The following CUL2 variants were observed in gnomAD, a reference collection of about 807,000 sequenced individuals.
CUL2 encodes cullin 2.
CUL2 carries 22 observed loss-of-function variants against 110.2 expected under a neutral mutation model. That is an observed-to-expected ratio of 0.20 (90% CI 0.14 to 0.28). CUL2 has a LOEUF of 0.28. Ranked by LOEUF, CUL2 falls within the 10% of genes least tolerant of loss-of-function variation. CUL2 has a pLI of 1.00. For synonymous variants in CUL2, 279 were observed against 293.2 expected, an observed-to-expected ratio of 0.95 and a Z score of 0.49; for missense variants, 631 against 905.5, an observed-to-expected ratio of 0.70 and a Z score of 3.89.
At chr10:35,048,041 T>G (rs965682824) in intron 6 of CUL2, among the ~76,000 whole-genome samples, 10 of 152,224 alleles carry the variant, frequency 6.6e-5, no homozygotes, top group Admixed American at 3.3e-4. Flanking sequence ...GACTTTTGCA[T>G]GTCAAGGATG....
intron 1 of CUL2, among the ~76,000 whole-genome samples, chr10:35,120,902 A>C (rs1426796041): frequency 1.3e-5 from 2 of 152,224 alleles, no homozygotes; most frequent in African/African-American, 2.4e-5. Context: ...TGTCTCAAAA[A>C]AACAACAAAA....
chr10:35,069,141 G>A (rs117311475), intron 2 of CUL2, among the ~76,000 whole-genome samples: 2,332 of 152,204 alleles, frequency 0.015, 35 homozygotes, highest in Middle Eastern at 0.034. Context: ...TGCTTGAATT[G>A]TAGGCGTGAG....
At chr10:35,018,870 T>C (rs1170533007) in intron 17 of CUL2, among the ~76,000 whole-genome samples, 1 of 152,140 alleles carries the variant, frequency 6.6e-6, no homozygotes, top group Non-Finnish European at 1.5e-5. Flanking sequence ...CCTTGACATT[T>C]CAGATAAAAC....
At chr10:35,074,872 T>C (rs1326543298) in intron 1 of CUL2, among the ~76,000 whole-genome samples, 1 of 152,198 alleles carries the variant, frequency 6.6e-6, no homozygotes, top group Admixed American at 6.5e-5. Context: ...CTCCACACTT[T>C]CCTCTATTAG....
intron 16 of CUL2, among the ~76,000 whole-genome samples, chr10:35,026,092 TC>T (rs1447983797): frequency 1.3e-5 from 2 of 152,148 alleles, no homozygotes; most frequent in African/African-American, 4.8e-5. Flanking sequence ...AGAAAATGAG[TC>T]AATTCCTTCA....
At chr10:35,047,206 T>C (rs1452067218) in intron 6 of CUL2, among the ~76,000 whole-genome samples, 1 of 152,202 alleles carries the variant, frequency 6.6e-6, no homozygotes, top group East Asian at 1.9e-4. Flanking sequence ...AAAAGAAAGA[T>C]GTGGCTCACA....
chr10:35,015,939 T>C (rs1011395818), intron 18 of CUL2, among the ~76,000 whole-genome samples: 2 of 152,232 alleles, frequency 1.3e-5, no homozygotes, highest in Non-Finnish European at 2.9e-5. Flanking sequence ...GCAATTCTTT[T>C]ACAATTATTC....
chr10:35,060,521 C>T (rs374400488), intron 4 of CUL2, among the ~76,000 whole-genome samples: 2 of 152,128 alleles, frequency 1.3e-5, no homozygotes, highest in Non-Finnish European at 2.9e-5. Flanking sequence ...AAGAACATAT[C>T]GAGGGGACAT....
intron 1 of CUL2, among the ~76,000 whole-genome samples, chr10:35,089,675 G>A (rs1319906467): frequency 6.6e-6 from 1 of 152,132 alleles, no homozygotes; most frequent in Non-Finnish European, 1.5e-5. Flanking sequence ...AGCGTGTGAG[G>A]ATCTTATTTC....
At chr10:35,050,254 G>A (rs988529302) in intron 5 of CUL2, among the ~76,000 whole-genome samples, 4 of 151,656 alleles carry the variant, frequency 2.6e-5, no homozygotes, top group Admixed American at 2.0e-4. Context: ...CTGGGAGGTG[G>A]AGGTTGCAGT....
chr10:35,094,980 C>T (rs1338583205), upstream of CUL2, among the ~76,000 whole-genome samples: 1 of 151,986 alleles, frequency 6.6e-6, no homozygotes, highest in Non-Finnish European at 1.5e-5. Context: ...GTGTTTTGGC[C>T]TTGTATGTTT....
At chr10:35,056,559 C>T (rs763137400) in intron 4 of CUL2, among the ~76,000 whole-genome samples, 2 of 152,068 alleles carry the variant, frequency 1.3e-5, no homozygotes, top group Non-Finnish European at 2.9e-5. Context: ...CTTCCACTCC[C>T]ATTCAACATC....
At chr10:35,116,482 T>C (rs1266986672) in intron 1 of CUL2, among the ~76,000 whole-genome samples, 2 of 152,230 alleles carry the variant, frequency 1.3e-5, no homozygotes, top group Non-Finnish European at 2.9e-5. Context: ...TCTATATCTA[T>C]TGTTTCTCTC....
intron 10 of CUL2, among the ~76,000 whole-genome samples, chr10:35,033,537 C>A (rs1184326041): frequency 6.6e-6 from 1 of 151,754 alleles, no homozygotes; most frequent in Non-Finnish European, 1.5e-5. Context: ...GAGATCGAGA[C>A]CATCCTGGCC....
chr10:35,028,913 T>C (rs758719685), intron 15 of CUL2, 26 bp from the exon 16 acceptor site: 2 of 1,393,308 alleles, frequency 1.4e-6, no homozygotes, highest in Non-Finnish European at 2.0e-6. Context: ...TAAAATAAAA[T>C]AAGCTAAATG....
intron 2 of CUL2, among the ~76,000 whole-genome samples, chr10:35,065,276 G>A (rs576354916): frequency 5.9e-5 from 9 of 152,134 alleles, no homozygotes; most frequent in Non-Finnish European, 1.2e-4. Flanking sequence ...CATGATGGCT[G>A]ATGCCTGTAA....
chr10:35,091,867 A>G (rs866831206), upstream of CUL2, among the ~76,000 whole-genome samples: 1 of 151,928 alleles, frequency 6.6e-6, no homozygotes, highest in African/African-American at 2.4e-5. Context: ...AGCTCAGGCA[A>G]TCCACCCACC....
intron 1 of CUL2, among the ~76,000 whole-genome samples, chr10:35,123,213 C>A (rs2087699143): frequency 6.6e-6 from 1 of 152,190 alleles, no homozygotes; most frequent in African/African-American, 2.4e-5. Context: ...TACACTCTGT[C>A]AGCTAATAAC....
At chr10:35,046,878 G>A (rs1296539723) in intron 6 of CUL2, among the ~76,000 whole-genome samples, 1 of 150,016 alleles carries the variant, frequency 6.7e-6, no homozygotes, top group Non-Finnish European at 1.5e-5. Flanking sequence ...GGGCAACAGA[G>A]TGAGACTCTG....
Sources: allele counts gnomAD v4.1 joint callset (sites outside exome capture counted in the v4.1 genomes callset), GRCh38; gene constraint gnomAD v4.1.1; transcripts MANE v1.5; gene names NCBI Gene and HGNC (gene_info 2026-07-23, HGNC 2026-07-21).